The following TENM3 variants were observed in gnomAD, a reference collection of about 807,000 sequenced individuals.
The protein encoded by TENM3 is teneurin-3.
In TENM3, 63 loss-of-function variants were observed where a neutral mutation model predicts 255.1. The ratio of observed to expected loss-of-function variants is 0.25; its 90% CI spans 0.20 to 0.30. TENM3 has a LOEUF of 0.30. Ranked by LOEUF, TENM3 falls within the 10% of genes least tolerant of loss-of-function variation. The pLI, the probability that TENM3 is intolerant of heterozygous loss-of-function variation, is 1.00. For synonymous variants in TENM3, 1,306 were observed against 1,322.3 expected (o/e 0.99, Z 0.27); for missense variants, 2,929 against 3,461.1 (o/e 0.85, Z 3.86).
At chr4:182,348,647 T>C (rs530010017) in intron 3 of TENM3, among the ~76,000 whole-genome samples, 2 of 152,340 alleles carry the variant, frequency 1.3e-5, no homozygotes, top group Admixed American at 1.3e-4. Context: ...AAACCTTCTA[T>C]GGCATCTCAT....
At position 182,529,280 on chromosome 4, in the gene TENM3, A is replaced by G. The variant is rs191957132; in HGVS notation, c.512-71644A>G. Among the ~76,000 whole-genome samples the G allele has an allele frequency of 3.3e-5, 5 of 152,326 alleles. No individual in the cohort carries two copies. The East Asian group carries it at 9.7e-4, about 29-fold the overall frequency. ...AAGAGGAACCCTAAGATGAACCAAA[A>G]TGTATCACTTGGTCTGAAAAGATTA... On this transcript the variant is annotated intron_variant, in intron 3 of 27. Transcript: ENST00000511685.
the TENM3 span, among the ~76,000 whole-genome samples, chr4:181,962,469 C>A: frequency 5.3e-5 from 8 of 152,156 alleles, no homozygotes; most frequent in African/African-American, 1.9e-4. Flanking sequence ...GTATCTGCAA[C>A]TTGAAGTGGA....
At chr4:181,802,077 T>G in the TENM3 span, among the ~76,000 whole-genome samples, 1 of 152,192 alleles carries the variant, frequency 6.6e-6, no homozygotes, top group Non-Finnish European at 1.5e-5. Flanking sequence ...ACCACCAGGA[T>G]GGCCGGTTCT....
intron 3 of TENM3, among the ~76,000 whole-genome samples, chr4:182,549,959 T>C (rs567059340): frequency 6.6e-6 from 1 of 152,228 alleles, no homozygotes; most frequent in Non-Finnish European, 1.5e-5. Context: ...GGTTTTTTCA[T>C]ACGTAATGGG....
At chr4:182,310,401 C>T (rs953656892) in intron 1 of TENM3, among the ~76,000 whole-genome samples, 9 of 152,114 alleles carry the variant, frequency 5.9e-5, no homozygotes, top group African/African-American at 2.2e-4. Flanking sequence ...AGGTCTGCTT[C>T]TTCTACGTAG....
At chr4:181,606,623 C>G in the TENM3 span, among the ~76,000 whole-genome samples, 1 of 152,094 alleles carries the variant, frequency 6.6e-6, no homozygotes, top group African/African-American at 2.4e-5. Flanking sequence ...GTACTAGAGC[C>G]TGATTCTCAT....
chr4:182,170,646 G>A (rs963696944), intron 1 of TENM3, among the ~76,000 whole-genome samples: 4 of 151,986 alleles, frequency 2.6e-5, no homozygotes, highest in East Asian at 1.9e-4. Flanking sequence ...TTAGTTTAGT[G>A]TATAATTATT....
chr4:182,628,584 T>C (rs1751051267), intron 4 of TENM3, 67 bp from the exon 5 acceptor site: 2 of 1,026,478 alleles, frequency 1.9e-6, no homozygotes, highest in Admixed American at 4.2e-5. Flanking sequence ...GCTAAATGCA[T>C]CGCTGTCTCT....
chr4:182,635,381 T>A (rs908267413), intron 5 of TENM3, among the ~76,000 whole-genome samples: 1 of 152,156 alleles, frequency 6.6e-6, no homozygotes, highest in African/African-American at 2.4e-5. Context: ...AGAACATTTC[T>A]CTCACCTCCA....
At chr4:181,501,387 T>C in the TENM3 span, among the ~76,000 whole-genome samples, 1 of 151,638 alleles carries the variant, frequency 6.6e-6, no homozygotes, top group African/African-American at 2.4e-5. Flanking sequence ...CTTTTTTGTT[T>C]TTTTTTTTTA....
chr4:181,850,270 T>C, the TENM3 span, among the ~76,000 whole-genome samples: 1 of 152,128 alleles, frequency 6.6e-6, no homozygotes, highest in South Asian at 2.1e-4. Flanking sequence ...ATATCTCCAA[T>C]GCTTTAATGT....
intron 3 of TENM3, among the ~76,000 whole-genome samples, chr4:182,463,276 CTGTT>C (rs1404946847): frequency 1.3e-5 from 2 of 152,054 alleles, no homozygotes; most frequent in African/African-American, 2.4e-5. Context: ...CGGTGTTACT[CTGTT>C]TGATTCTGTG....
At chr4:182,539,742 G>A (rs1235367151) in intron 3 of TENM3, among the ~76,000 whole-genome samples, 3 of 152,218 alleles carry the variant, frequency 2.0e-5, no homozygotes, top group Non-Finnish European at 2.9e-5. Flanking sequence ...GTCATGCACT[G>A]TTCTAGGTTC....
intron 13 of TENM3, among the ~76,000 whole-genome samples, chr4:182,724,119 G>A (rs1759978697): frequency 6.6e-6 from 1 of 152,152 alleles, no homozygotes; most frequent in South Asian, 2.1e-4. Flanking sequence ...GCTCTTAACT[G>A]ATCACTGCAG....
the TENM3 span, among the ~76,000 whole-genome samples, chr4:182,097,799 G>C: frequency 6.6e-6 from 1 of 152,030 alleles, no homozygotes; most frequent in African/African-American, 2.4e-5. Flanking sequence ...TCTCTTGTTT[G>C]GTTCCGGCAC....
At chr4:182,783,194 T>C (rs377721887) in intron 24 of TENM3, among the ~76,000 whole-genome samples, 2 of 152,364 alleles carry the variant, frequency 1.3e-5, no homozygotes, top group Non-Finnish European at 2.9e-5. Flanking sequence ...CAGCTGGTAC[T>C]GGTTGTTCCT....
chr4:181,602,808 T>C, the TENM3 span, among the ~76,000 whole-genome samples: 16 of 152,332 alleles, frequency 1.1e-4, no homozygotes, highest in East Asian at 2.5e-3. Context: ...ACAAGAATCA[T>C]CTGACCACAT....
At chr4:181,583,437 G>A in the TENM3 span, among the ~76,000 whole-genome samples, 34 of 152,094 alleles carry the variant, frequency 2.2e-4, no homozygotes, top group East Asian at 3.7e-3. Flanking sequence ...CCTCTCATCC[G>A]GATACTTTTC....
chr4:182,685,349 A>T (rs558454042), intron 11 of TENM3, among the ~76,000 whole-genome samples: 2 of 152,084 alleles, frequency 1.3e-5, no homozygotes, highest in South Asian at 2.1e-4. Flanking sequence ...AGCAAATAAC[A>T]TGCATAGAAT....
Sources: allele counts gnomAD v4.1 joint callset (sites outside exome capture counted in the v4.1 genomes callset), GRCh38; gene constraint gnomAD v4.1.1; transcripts MANE v1.5; gene names NCBI Gene and HGNC (gene_info 2026-07-23, HGNC 2026-07-21).